Variants in RBM33 observed in about 807,000 individuals in gnomAD.
RBM33 encodes RNA-binding protein 33.
Under a neutral mutation model 132.6 loss-of-function variants are expected in RBM33, and 28 were observed. That is an observed-to-expected ratio of 0.21 (90% CI 0.16 to 0.29). RBM33 has a LOEUF of 0.29. Ranked by LOEUF, RBM33 falls within the 10% of genes least tolerant of loss-of-function variation. The pLI is 1.00. For missense variants in RBM33, 1,291 were observed against 1,518.5 expected (o/e 0.85, Z 2.49); for synonymous variants, 634 against 593.0 (o/e 1.07, Z -1.01).
chr7:155,740,756 TGGTCAG>T (rs1801304938), intron 12 of RBM33, among the ~76,000 whole-genome samples: 1 of 152,232 alleles, frequency 6.6e-6, no homozygotes. Flanking sequence ...GTGTGGCTAG[TGGTCAG>T]GGTTTTTGCC....
intron 1 of RBM33, among the ~76,000 whole-genome samples, chr7:155,652,732 G>A (rs924655999): frequency 2.0e-5 from 3 of 152,100 alleles, no homozygotes; most frequent in Admixed American, 6.5e-5. Context: ...GACCTCTTTC[G>A]TTTTGCTCAG....
intron 14 of RBM33, among the ~76,000 whole-genome samples, chr7:155,752,843 C>T (rs866603839): frequency 2.0e-5 from 3 of 152,116 alleles, no homozygotes; most frequent in Non-Finnish European, 4.4e-5. Context: ...CCCTGGATGG[C>T]CGCTCCCACG....
At position 155,673,768 on chromosome 7, in the gene RBM33, G is replaced by GCGCGCGCA. The variant is rs1554469952; in HGVS notation, c.171+854_171+855insGCGCGCAC. Among the ~76,000 whole-genome samples, 7 of 132,962 alleles carry GCGCGCGCA rather than the reference G, an allele frequency of 5.3e-5. 1 individual carries two copies. Among genetic ancestry groups the GCGCGCGCA allele is most frequent in the African/African-American group, 2.3e-4 (7 of 30,836 alleles). The allele number at this position is 132,962 out of a possible 152,430, so 87.2% of individuals were successfully genotyped here. On this transcript the variant is annotated intron_variant, in intron 3 of 17. Coordinates refer to ENST00000401878, the MANE Select transcript of RBM33 (RefSeq NM_053043.3). ...CACGTGTATATACGCGCGCATGCGC[G>GCGCGCGCA]CACACACACACACACACACACACAC...
intron 11 of RBM33, 59 bp downstream of exon 11, chr7:155,738,462 C>G: frequency 6.9e-7 from 1 of 1,451,622 alleles, no homozygotes; most frequent in Non-Finnish European, 9.3e-7. Context: ...GCTTTGTGTT[C>G]CATAAAGTTT....
chr7:155,769,554 C>T (rs781632091), intron 16 of RBM33, among the ~76,000 whole-genome samples: 1 of 151,966 alleles, frequency 6.6e-6, no homozygotes, highest in Non-Finnish European at 1.5e-5. Context: ...AAGAATCTGC[C>T]CTTTGCAGAG....
intron 1 of RBM33, among the ~76,000 whole-genome samples, chr7:155,652,550 G>A (rs1403807477): frequency 1.3e-5 from 2 of 152,124 alleles, no homozygotes; most frequent in Non-Finnish European, 2.9e-5. Context: ...GAAATAGAAT[G>A]GTAAGTAAAA....
chr7:155,758,953 G>T (rs1482034205), intron 14 of RBM33, among the ~76,000 whole-genome samples: 1 of 152,156 alleles, frequency 6.6e-6, no homozygotes, highest in Admixed American at 6.5e-5. Context: ...GCAGGGAGGG[G>T]TGCAGCGGCA....
At chr7:155,651,071 T>A (rs890450509) in intron 1 of RBM33, among the ~76,000 whole-genome samples, 2 of 152,068 alleles carry the variant, frequency 1.3e-5, no homozygotes, top group African/African-American at 4.8e-5. Context: ...AGAGACGGGG[T>A]TTTGCCACGT....
At chr7:155,765,253 A>T (rs1802175796) in intron 15 of RBM33, among the ~76,000 whole-genome samples, 1 of 152,194 alleles carries the variant, frequency 6.6e-6, no homozygotes, top group South Asian at 2.1e-4. Flanking sequence ...TTTGTTAGAG[A>T]TATTATTGTT....
chr7:155,671,300 T>C (rs1394000102), intron 2 of RBM33, among the ~76,000 whole-genome samples: 2 of 152,152 alleles, frequency 1.3e-5, no homozygotes, highest in Non-Finnish European at 2.9e-5. Flanking sequence ...CCTATAGGAG[T>C]TTGTGAAAGA....
intron 1 of RBM33, among the ~76,000 whole-genome samples, chr7:155,664,660 T>A (rs1798749886): frequency 2.6e-5 from 4 of 152,200 alleles, no homozygotes; most frequent in Admixed American, 1.3e-4. Flanking sequence ...CTATTTCTCT[T>A]TACCTTTTAT....
intron 1 of RBM33, among the ~76,000 whole-genome samples, chr7:155,649,669 T>C (rs1310559034): frequency 2.6e-5 from 4 of 152,218 alleles, no homozygotes; most frequent in East Asian, 3.8e-4. Flanking sequence ...GGTTTTTTAA[T>C]GACTTGCCAA....
intron 14 of RBM33, among the ~76,000 whole-genome samples, chr7:155,756,134 T>C (rs1311610292): frequency 1.3e-5 from 2 of 152,228 alleles, no homozygotes; most frequent in Non-Finnish European, 1.5e-5. Context: ...TTTTTATGAA[T>C]AGAATGTATA....
intron 14 of RBM33, 44 bp from the exon 15 acceptor site, chr7:155,763,768 T>C: frequency 1.3e-6 from 2 of 1,560,810 alleles, no homozygotes; most frequent in South Asian, 2.3e-5. Flanking sequence ...GAGCTTTTGG[T>C]GGAGCAGACA....
chr7:155,687,792 T>A lies in RBM33; in HGVS notation c.567+6884T>A, dbSNP rs147801503. ...GTCAAAGATCAGATGGTTGTAGATG[T>A]GTGGTATTAATTTGAGGGCTCTGTT... On this transcript the variant is annotated intron_variant, in intron 5 of 17. Transcript: ENST00000401878. Among the ~76,000 whole-genome samples the A allele has an allele frequency of 5.7e-3, 867 of 152,310 alleles. 5 individuals are homozygous for A. Among genetic ancestry groups the A allele is most frequent in the Middle Eastern group, 0.024 (7 of 294 alleles).
chr7:155,694,741 A>C (rs1273667140), intron 5 of RBM33, among the ~76,000 whole-genome samples: 1 of 152,180 alleles, frequency 6.6e-6, no homozygotes, highest in Non-Finnish European at 1.5e-5. Flanking sequence ...TCATCCAAGT[A>C]GTTGTGTGTA....
intron 16 of RBM33, among the ~76,000 whole-genome samples, chr7:155,769,718 G>T (rs1168195844): frequency 6.6e-6 from 1 of 152,010 alleles, no homozygotes. Flanking sequence ...GGAAGGCCTG[G>T]TTGGTGAAGT....
rs937532118 is a variant in RBM33 at position 155,673,466 on chromosome 7, A to G, written c.171+551A>G. On this transcript the variant is annotated intron_variant, in intron 3 of 17. Transcript: ENST00000401878. ...TATGTGTATATATACCCACATATAT[A>G]TATACATACACGTGTGTATATATAT... Among the ~76,000 whole-genome samples the G allele has an allele frequency of 8.6e-5, 13 of 150,706 alleles. 1 individual carries two copies. Among genetic ancestry groups the G allele is most frequent in the Admixed American group, 5.3e-4 (8 of 15,098 alleles).
At chr7:155,705,378 G>A (rs996465365) in intron 6 of RBM33, among the ~76,000 whole-genome samples, 4 of 152,190 alleles carry the variant, frequency 2.6e-5, no homozygotes, top group Non-Finnish European at 5.9e-5. Flanking sequence ...CGTAAAATGT[G>A]TGTGTGAACT....
Sources: gnomAD v4.1 joint callset for allele counts (sites outside exome capture counted in the v4.1 genomes callset) on GRCh38, gnomAD v4.1.1 for gene constraint, MANE v1.5 for transcripts, NCBI Gene and HGNC (gene_info 2026-07-23, HGNC 2026-07-21) for gene names.